Variants in HOPX observed in about 807,000 individuals in gnomAD.
HOPX encodes homeodomain-only protein.
In HOPX, 5 loss-of-function variants were observed where a neutral mutation model predicts 11.8. That is an observed-to-expected ratio of 0.43 (90% CI 0.22 to 0.89). The LOEUF is 0.89. Among genes scored for constraint, HOPX ranks in the 40% least tolerant of loss-of-function variants. HOPX has a pLI of 0.28. For synonymous variants in HOPX, 49 were observed against 49.7 expected (o/e 0.99, Z 0.06); for missense variants, 119 against 120.0 (o/e 0.99, Z 0.04).
chr4:56,655,823 G>T (rs769337279), intron 3 of HOPX, 34 bp downstream of exon 3: 7 of 1,601,394 alleles, frequency 4.4e-6, no homozygotes, highest in South Asian at 2.3e-5. Flanking sequence ...CCCAGGCAGG[G>T]GTCGGGGCGC....
At chr4:56,664,093 A>G (rs757218522) in intron 1 of HOPX, 12 of 152,016 alleles carry the variant, frequency 7.9e-5, no homozygotes, top group Non-Finnish European at 1.6e-4. Context: ...ATGTTATTAT[A>G]GGGAACATGT....
At chr4:56,654,192 G>A (rs1717463357) in intron 3 of HOPX, among the ~76,000 whole-genome samples, 1 of 152,126 alleles carries the variant, frequency 6.6e-6, no homozygotes, top group African/African-American at 2.4e-5. Flanking sequence ...TGGACAAGTG[G>A]GCTAATAGTA....
chr4:56,676,950 C>G (rs1047424626), intron 1 of HOPX, among the ~76,000 whole-genome samples: 103 of 151,742 alleles, frequency 6.8e-4, no homozygotes, highest in Non-Finnish European at 1.3e-4. Context: ...TGGCCACATG[C>G]ACTGGGAGGG....
chr4:56,656,311 G>C, intron 2 of HOPX: 1 of 1,107,150 alleles, frequency 9.0e-7, no homozygotes. Context: ...TGCGACGGGG[G>C]CGAGATAGAT....
At chr4:56,649,704 T>A (rs1716970314) in intron 3 of HOPX, 1 of 152,230 alleles carries the variant, frequency 6.6e-6, no homozygotes, top group South Asian at 2.1e-4. Flanking sequence ...GCCTAGAACA[T>A]GCCTATATGT....
upstream of HOPX, chr4:56,681,344 A>AG (rs1719314823): frequency 2.0e-6 from 2 of 985,296 alleles, no homozygotes; most frequent in Admixed American, 1.2e-4. Flanking sequence ...TGGCTGACGC[A>AG]GGCTGCTGAT....
intron 1 of HOPX, among the ~76,000 whole-genome samples, chr4:56,669,753 A>G (rs1400140094): frequency 1.3e-5 from 2 of 152,096 alleles, no homozygotes; most frequent in African/African-American, 4.8e-5. Flanking sequence ...AAACCTGGAT[A>G]TCGGGTCCCC....
At position 56,650,683 on chromosome 4, in the gene HOPX, C is replaced by T. The variant is rs76451666; in HGVS notation, c.199-1886G>A. ...ACACAGTTGTCAAGATCTTACATAC[C>T]TTTACACTGGGGCGGCAGTAGAGAA... On this transcript the variant is annotated intron_variant, in intron 3 of 3. Coordinates refer to ENST00000420433, the MANE Select transcript of HOPX (RefSeq NM_032495.6). 0.061 allele frequency: 95,032 copies of T among 1,550,766 alleles called. 3,351 individuals carry two copies. The highest frequency in any genetic ancestry group is 0.071 in the Non-Finnish European group (81,839 of 1,146,096).
chr4:56,669,896 A>G (rs1718647706), intron 1 of HOPX, among the ~76,000 whole-genome samples: 1 of 152,174 alleles, frequency 6.6e-6, no homozygotes, highest in African/African-American at 2.4e-5. Flanking sequence ...AGGAAAGAAC[A>G]ACATATACTT....
At chr4:56,673,306 G>A (rs1168945282) in intron 1 of HOPX, among the ~76,000 whole-genome samples, 1 of 152,122 alleles carries the variant, frequency 6.6e-6, no homozygotes, top group African/African-American at 2.4e-5. Flanking sequence ...GGGAGAGCAG[G>A]AGAAATGGAA....
At chr4:56,681,094 T>C in intron 1 of HOPX, 161 bp downstream of exon 1, 1 of 984,116 alleles carries the variant, frequency 1.0e-6, no homozygotes, top group Non-Finnish European at 1.2e-6. Flanking sequence ...CCAGCAGCAT[T>C]TCCTAGCTTC....
Position 56,657,795 on chromosome 4 carries a change from A to T in HOPX, c.22T>A (p.Tyr8Asn). Reference protein sequence around the residue: MLIFLGCYRRRLEERAGT... With the variant: MLIFLGCNRRRLEERAGT... ...ATTACCTCTTCCAGTCTTCTTCTGT[A>T]ACAGCCCAGGAAAATGAGCATAGGA... Residue 8 changes from tyrosine (Y) to asparagine (N), a missense_variant, in exon 2 of 4, where the codon TAC becomes AAC. Transcript: ENST00000420433. The T allele has an allele frequency of 7.3e-7, 1 of 1,363,324 alleles. No homozygotes were observed. The highest frequency in any genetic ancestry group is 1.4e-5 in the African/African-American group (1 of 69,280). 84.5% of individuals were successfully genotyped at this position (1,363,324 alleles called of 1,614,324 possible).
intron 1 of HOPX, chr4:56,663,039 T>C (rs1052071268): frequency 1.3e-5 from 2 of 152,216 alleles, no homozygotes; most frequent in Non-Finnish European, 2.9e-5. Flanking sequence ...CTACTTGACA[T>C]TAGGCAATAA....
At chr4:56,668,619 C>T (rs1444450034) in intron 1 of HOPX, among the ~76,000 whole-genome samples, 3 of 152,234 alleles carry the variant, frequency 2.0e-5, no homozygotes, top group Admixed American at 6.5e-5. Flanking sequence ...TGGCCTCAAG[C>T]GATCCTTCCA....
At chr4:56,658,138 C>A (rs1301851373) in intron 1 of HOPX, among the ~76,000 whole-genome samples, 1 of 152,224 alleles carries the variant, frequency 6.6e-6, no homozygotes. Context: ...TGTGCCGGCT[C>A]TTCCATGAAA....
chr4:56,666,699 CA>C (rs1718458723), intron 1 of HOPX, among the ~76,000 whole-genome samples: 1 of 152,110 alleles, frequency 6.6e-6, no homozygotes, highest in South Asian at 2.1e-4. Context: ...AATAAATGGG[CA>C]AACAGAAGAA....
At chr4:56,656,311 G>A (rs1717731036) in intron 2 of HOPX, 2 of 1,107,150 alleles carry the variant, frequency 1.8e-6, no homozygotes, top group Middle Eastern at 3.9e-4. Flanking sequence ...TGCGACGGGG[G>A]CGAGATAGAT....
At chr4:56,673,800 G>A (rs1718862734) in intron 1 of HOPX, among the ~76,000 whole-genome samples, 2 of 152,106 alleles carry the variant, frequency 1.3e-5, no homozygotes, top group Non-Finnish European at 2.9e-5. Flanking sequence ...CGCCTCCCGG[G>A]TTCAAGCGAT....
At chr4:56,655,434 T>A (rs1029385484) in intron 3 of HOPX, among the ~76,000 whole-genome samples, 1 of 152,140 alleles carries the variant, frequency 6.6e-6, no homozygotes, top group African/African-American at 2.4e-5. Flanking sequence ...GCTCTGACAT[T>A]CCCGCCTAGA....
Sources: gnomAD v4.1 joint callset for allele counts (sites outside exome capture counted in the v4.1 genomes callset) on GRCh38, gnomAD v4.1.1 for gene constraint, MANE v1.5 for transcripts, NCBI Gene and HGNC (gene_info 2026-07-23, HGNC 2026-07-21) for gene names.